Variants in CCDC77 observed in about 807,000 individuals in gnomAD.
CCDC77 encodes coiled-coil domain containing 77.
A neutral mutation model predicts 66.8 loss-of-function variants in CCDC77; 56 were observed. That is an observed-to-expected ratio of 0.84 (90% CI 0.68 to 1.05). CCDC77 has a LOEUF of 1.05. CCDC77 is among the 50% of genes least tolerant of loss of function. The probability of loss-of-function intolerance (pLI) is 0.00; values close to 1 mark genes in which losing one functional copy is unlikely to be tolerated. For synonymous variants in CCDC77, 196 were observed against 195.2 expected (o/e 1.00, Z -0.03); for missense variants, 570 against 576.8 (o/e 0.99, Z 0.12).
At chr12:413,310 C>T (rs1029422677) in intron 4 of CCDC77, among the ~76,000 whole-genome samples, 12 of 151,030 alleles carry the variant, frequency 7.9e-5, no homozygotes, top group Non-Finnish European at 1.3e-4. Context: ...GATCTCAGCT[C>T]ACTGCAAGCT....
intron 6 of CCDC77, among the ~76,000 whole-genome samples, chr12:429,119 G>C (rs2137599645): frequency 1.3e-5 from 2 of 152,326 alleles, no homozygotes; most frequent in Middle Eastern, 6.8e-3. Flanking sequence ...AGGAAAGCAG[G>C]AGCAGACTAT....
Position 416,357 on chromosome 12 carries a change from GTGTGTGTGTGTGTGTGTGTGTA to G in CCDC77, c.271-2135_271-2114del, listed in dbSNP as rs1945267124. 2.3e-4 allele frequency among the ~76,000 whole-genome samples: 9 copies of G among 39,820 alleles called. No homozygotes were observed. The East Asian group carries it at 5.5e-3, about 24-fold the overall frequency. The allele number at this position is 39,820 out of a possible 152,430, so 26.1% of individuals were successfully genotyped here. The stretch of plus-strand genomic sequence containing the variant: ...TGGGTGTGTGGGGGTGTGTGTGTGT[GTGTGTGTGTGTGTGTGTGTGTA>G]TATATATATATATATATATATATAT... On this transcript the variant is annotated intron_variant, in intron 4 of 12. Coordinates refer to ENST00000239830, the MANE Select transcript of CCDC77 (RefSeq NM_032358.4).
intron 2 of CCDC77, among the ~76,000 whole-genome samples, chr12:407,969 A>G (rs886170041): frequency 1.3e-5 from 2 of 151,940 alleles, no homozygotes; most frequent in Non-Finnish European, 2.9e-5. Context: ...TTGCATTTTT[A>G]GTAGAGATGG....
intron 4 of CCDC77, among the ~76,000 whole-genome samples, chr12:415,505 A>G (rs993091788): frequency 6.8e-6 from 1 of 146,606 alleles, no homozygotes; most frequent in African/African-American, 2.5e-5. Flanking sequence ...AATTATTAAC[A>G]TAATATGTTA....
intron 8 of CCDC77, 119 bp from the exon 9 acceptor site, chr12:433,055 T>G: frequency 6.7e-6 from 7 of 1,042,912 alleles, no homozygotes; most frequent in African/African-American, 1.6e-5. Flanking sequence ...AGGATTAGGA[T>G]TGAGATGTTT....
chr12:395,236 GT>G (rs989986163), intron 1 of CCDC77: 1 of 152,198 alleles, frequency 6.6e-6, no homozygotes, highest in African/African-American at 2.4e-5. Flanking sequence ...GTGCCACCAC[GT>G]CTGGGTAATT....
At chr12:415,913 C>A (rs1254433364) in intron 4 of CCDC77, among the ~76,000 whole-genome samples, 1 of 152,070 alleles carries the variant, frequency 6.6e-6, no homozygotes, top group Non-Finnish European at 1.5e-5. Context: ...TCAAGCAATT[C>A]TCCTGCCTCA....
chr12:428,510 C>CAAA (rs59414510), intron 5 of CCDC77, among the ~76,000 whole-genome samples: 19 of 57,878 alleles, frequency 3.3e-4, no homozygotes, highest in African/African-American at 3.6e-4. Flanking sequence ...GACTCTGTCT[C>CAAA]AAAAAAAAAA....
At chr12:390,094 T>C (rs1224245197) in intron 1 of CCDC77, 1 of 123,076 alleles carries the variant, frequency 8.1e-6, no homozygotes, top group African/African-American at 3.2e-5. Context: ...TTTCCATTAA[T>C]GACTTCATCT....
chr12:412,113 G>GT (rs998004479), intron 4 of CCDC77, 135 bp downstream of exon 4: 3 of 676,118 alleles, frequency 4.4e-6, no homozygotes, highest in Non-Finnish European at 7.5e-6. Context: ...CCCAGCTATT[G>GT]CCCCTTCAGG....
chr12:413,921 C>T (rs1382866278), intron 4 of CCDC77, among the ~76,000 whole-genome samples: 1 of 151,774 alleles, frequency 6.6e-6, no homozygotes, highest in Non-Finnish European at 1.5e-5. Context: ...AGCCACCGCG[C>T]CCAGCTGGGA....
intron 4 of CCDC77, 57 bp from the exon 5 acceptor site, chr12:418,437 G>C: frequency 6.5e-7 from 1 of 1,550,058 alleles, no homozygotes; most frequent in Middle Eastern, 1.7e-4. Flanking sequence ...TATCCAGTGA[G>C]AGATACTCCA....
Position 431,893 on chromosome 12 carries a change from C to G in CCDC77, c.611C>G (p.Ser204Trp). The G allele has an allele frequency of 6.2e-7, 1 of 1,609,782 alleles. No individual in the cohort carries two copies. Among genetic ancestry groups the G allele is most frequent in the African/African-American group, 1.3e-5 (1 of 74,696 alleles). ...ADPKISKRRP[S>W]RERKESSEHY... ...CCTAAAATAAGCAAAAGAAGACCAT[C>G]GAGAGAGAGAAAAGAAAGTTCTGAG... Residue 204 changes from serine (S) to tryptophan (W), a missense_variant, in exon 8 of 13, where the codon TCG becomes TGG. Physicochemically the swap from Ser to Trp is radical, Grantham distance 177. Coordinates refer to ENST00000239830, the MANE Select transcript of CCDC77 (RefSeq NM_032358.4).
intron 4 of CCDC77, among the ~76,000 whole-genome samples, chr12:415,351 ACATAATAT>A (rs1945212938): frequency 8.1e-6 from 1 of 123,014 alleles, no homozygotes; most frequent in Admixed American, 8.1e-5. Flanking sequence ...AATATAATCA[ACATAATAT>A]TATGTTAATA....
At chr12:414,370 G>T in intron 4 of CCDC77, among the ~76,000 whole-genome samples, 1 of 149,598 alleles carries the variant, frequency 6.7e-6, no homozygotes. Context: ...GATTACAGGC[G>T]TGAGCCTGGC....
intron 1 of CCDC77, among the ~76,000 whole-genome samples, chr12:391,639 A>ATACCT (rs1445624986): frequency 5.9e-5 from 9 of 152,260 alleles, no homozygotes; most frequent in Non-Finnish European, 1.3e-4. Context: ...AGAACCTGAT[A>ATACCT]GAACCTCAGT....
At chr12:434,638 C>T (rs1235827943) in intron 9 of CCDC77, among the ~76,000 whole-genome samples, 1 of 152,222 alleles carries the variant, frequency 6.6e-6, no homozygotes, top group Non-Finnish European at 1.5e-5. Flanking sequence ...AGGCATGAGC[C>T]ACCACGCCTG....
intron 5 of CCDC77, among the ~76,000 whole-genome samples, chr12:428,466 G>C (rs137905373): frequency 8.0e-6 from 1 of 125,260 alleles, no homozygotes; most frequent in Non-Finnish European, 1.6e-5. Flanking sequence ...AGCCAAGACC[G>C]CACCATTGCA....
chr12:410,110 T>G (rs2137546230), intron 3 of CCDC77, among the ~76,000 whole-genome samples: 1 of 152,320 alleles, frequency 6.6e-6, no homozygotes, highest in South Asian at 2.1e-4. Context: ...TTAATATCTC[T>G]GCATGCTTAT....
Sources: gnomAD v4.1 joint callset for allele counts (sites outside exome capture counted in the v4.1 genomes callset) on GRCh38, gnomAD v4.1.1 for gene constraint, MANE v1.5 for transcripts, NCBI Gene and HGNC (gene_info 2026-07-23, HGNC 2026-07-21) for gene names.